Variants in PSD3 observed in about 807,000 individuals in gnomAD.
PSD3 encodes the protein pleckstrin and Sec7 domain containing 3.
A neutral mutation model predicts 105.5 loss-of-function variants in PSD3; 49 were observed. The ratio of observed to expected loss-of-function variants is 0.46; its 90% CI spans 0.37 to 0.59. The LOEUF (loss-of-function observed/expected upper bound fraction) is 0.59. Ranked by LOEUF, PSD3 falls within the 20% of genes least tolerant of loss-of-function variation. The pLI is 0.00. For synonymous variants in PSD3, 557 were observed against 457.8 expected (o/e 1.22, Z -2.77); for missense variants, 1,561 against 1,263.8 (o/e 1.24, Z -3.57).
chr8:18,942,940 G>C (rs1277911704), intron 1 of PSD3, among the ~76,000 whole-genome samples: 2 of 152,174 alleles, frequency 1.3e-5, no homozygotes, highest in Non-Finnish European at 2.9e-5. Context: ...AAAAGGGTCT[G>C]GATGAGAAGG....
chr8:19,065,655 G>A (rs1034239685), intron 1 of PSD3, among the ~76,000 whole-genome samples: 6 of 152,190 alleles, frequency 3.9e-5, no homozygotes, highest in Admixed American at 2.6e-4. Context: ...CAAGGCACGT[G>A]GTAAGGGGCA....
intron 12 of PSD3, among the ~76,000 whole-genome samples, chr8:18,582,202 T>C (rs1802864751): frequency 6.6e-6 from 1 of 151,986 alleles, no homozygotes; most frequent in Admixed American, 6.6e-5. Flanking sequence ...TTCTCGAGAG[T>C]AGTTGTCTAT....
At chr8:18,725,414 A>G (rs1347219695) in intron 9 of PSD3, among the ~76,000 whole-genome samples, 1 of 152,194 alleles carries the variant, frequency 6.6e-6, no homozygotes, top group South Asian at 2.1e-4. Flanking sequence ...GATGAAAAAC[A>G]AAGTATTCCA....
chr8:18,790,082 G>C (rs1021410287), intron 8 of PSD3, among the ~76,000 whole-genome samples: 2 of 151,984 alleles, frequency 1.3e-5, no homozygotes, highest in African/African-American at 4.8e-5. Flanking sequence ...GTGGGGAAAG[G>C]GGACAGGTGA....
chr8:18,717,053 G>A lies in PSD3; in HGVS notation c.2172+48396C>T, dbSNP rs573069518. ...CAGACCTCTGGACTTAAAATCCTGAGATTCTTCCTAGTTAGAAACAAAAAC... is the reference window on the plus strand; with the variant it reads ...CAGACCTCTGGACTTAAAATCCTGAAATTCTTCCTAGTTAGAAACAAAAAC... On this transcript the variant is annotated intron_variant, in intron 9 of 15. Coordinates refer to ENST00000327040, the MANE Select transcript of PSD3 (RefSeq NM_015310.4). 1.9e-4 allele frequency among the ~76,000 whole-genome samples: 29 copies of A among 152,230 alleles called. 1 individual carries two copies. Among genetic ancestry groups the A allele is most frequent in the Admixed American group, 3.9e-4 (6 of 15,296 alleles).
chr8:18,955,744 G>A (rs1362501981), intron 1 of PSD3, among the ~76,000 whole-genome samples: 2 of 143,798 alleles, frequency 1.4e-5, no homozygotes, highest in Non-Finnish European at 3.0e-5. Context: ...CCAAATCATC[G>A]TTCTTAGCAT....
chr8:18,941,665 C>CTTTTTT (rs869259596), intron 1 of PSD3, among the ~76,000 whole-genome samples: 8 of 107,734 alleles, frequency 7.4e-5, no homozygotes, highest in East Asian at 2.8e-4. Context: ...TGTAGAATGA[C>CTTTTTT]TTTTTTTTTT....
chr8:18,785,827 G>C (rs1809089466), intron 8 of PSD3, among the ~76,000 whole-genome samples: 1 of 152,146 alleles, frequency 6.6e-6, no homozygotes, highest in Admixed American at 6.5e-5. Flanking sequence ...AGGGAATAGG[G>C]AGGCCTGAGG....
At chr8:18,581,683 C>CT (rs1384001672) in intron 12 of PSD3, among the ~76,000 whole-genome samples, 1 of 152,158 alleles carries the variant, frequency 6.6e-6, no homozygotes, top group African/African-American at 2.4e-5. Context: ...TTAACTGGTG[C>CT]TTTTTCACCA....
intron 4 of PSD3, among the ~76,000 whole-genome samples, chr8:18,815,879 C>A (rs1469398935): frequency 6.6e-6 from 1 of 152,164 alleles, no homozygotes; most frequent in African/African-American, 2.4e-5. Flanking sequence ...TACAACTACA[C>A]TGAAAGCTGC....
chr8:18,950,998 G>A (rs1823203119), intron 1 of PSD3, among the ~76,000 whole-genome samples: 1 of 152,170 alleles, frequency 6.6e-6, no homozygotes, highest in Non-Finnish European at 1.5e-5. Context: ...TCTTAGGAAT[G>A]GAGCTGCAGA....
chr8:18,810,862 CAA>C (rs1337220153), intron 4 of PSD3, among the ~76,000 whole-genome samples: 1 of 152,180 alleles, frequency 6.6e-6, no homozygotes, highest in East Asian at 1.9e-4. Context: ...AACCAACAGA[CAA>C]GAGGGCGGGT....
intron 2 of PSD3, among the ~76,000 whole-genome samples, chr8:18,883,588 C>A (rs1301379243): frequency 2.6e-5 from 4 of 152,166 alleles, no homozygotes; most frequent in African/African-American, 9.7e-5. Flanking sequence ...ATTATTTGTA[C>A]ACAGCCTTAA....
rs538389135 is a variant in PSD3, at chr8:18,974,594, G to T, written c.22-38452C>A. 3.3e-5 allele frequency among the ~76,000 whole-genome samples: 5 copies of T among 152,068 alleles called. No individual in the cohort carries two copies. The East Asian group carries it at 9.7e-4, about 29-fold the overall frequency. On this transcript the variant is annotated intron_variant, in intron 1 of 15. Coordinates refer to ENST00000327040, the MANE Select transcript of PSD3 (RefSeq NM_015310.4). ...GGAACACACAGAGCAACAAGCAAAA[G>T]GAAACCCCACTCCCCTGGACCCTAC...
chr8:18,950,325 C>T (rs1052599211), intron 1 of PSD3, among the ~76,000 whole-genome samples: 13 of 152,220 alleles, frequency 8.5e-5, no homozygotes, highest in African/African-American at 2.9e-4. Flanking sequence ...TCCCTTAACA[C>T]ATCCATCACC....
At chr8:18,913,552 C>T (rs1820385277) in intron 2 of PSD3, among the ~76,000 whole-genome samples, 1 of 152,110 alleles carries the variant, frequency 6.6e-6, no homozygotes, top group Non-Finnish European at 1.5e-5. Flanking sequence ...GCCTCATGCT[C>T]TACAGAACCA....
At chr8:18,591,372 T>C (rs183161416) in intron 12 of PSD3, among the ~76,000 whole-genome samples, 12 of 152,282 alleles carry the variant, frequency 7.9e-5, no homozygotes, top group African/African-American at 2.6e-4. Context: ...TGTGGATACC[T>C]GGGCACTGCT....
chr8:18,991,400 A>T (rs978806460), intron 1 of PSD3, among the ~76,000 whole-genome samples: 15 of 145,584 alleles, frequency 1.0e-4, no homozygotes, highest in Admixed American at 2.1e-4. Context: ...ACACACACAC[A>T]CTCCTGAAAC....
At chr8:18,719,393 A>G (rs888055769) in intron 9 of PSD3, among the ~76,000 whole-genome samples, 7 of 152,220 alleles carry the variant, frequency 4.6e-5, no homozygotes, top group African/African-American at 1.7e-4. Context: ...CTCCAGAGAA[A>G]AAGAATTTTC....
Sources: allele counts gnomAD v4.1 joint callset (sites outside exome capture counted in the v4.1 genomes callset), GRCh38; gene constraint gnomAD v4.1.1; transcripts MANE v1.5; gene names NCBI Gene and HGNC (gene_info 2026-07-23, HGNC 2026-07-21).